The following ARHGEF10 variants were observed in gnomAD, a reference collection of about 807,000 sequenced individuals.
ARHGEF10 encodes the protein Rho guanine nucleotide exchange factor (GEF) 10.
ARHGEF10 carries 140 observed loss-of-function variants against 147.4 expected under a neutral mutation model. That is an observed-to-expected ratio of 0.95 (90% CI 0.83 to 1.09). The LOEUF (loss-of-function observed/expected upper bound fraction) is 1.09. Ranked by LOEUF, ARHGEF10 falls within the 50% of genes least tolerant of loss-of-function variation. ARHGEF10 has a pLI of 0.00. For missense variants in ARHGEF10, 2,222 were observed against 1,752.7 expected, an observed-to-expected ratio of 1.27 and a Z score of -4.78; for synonymous variants, 902 against 695.8, an observed-to-expected ratio of 1.30 and a Z score of -4.67.
At chr8:1,881,078 A>G (rs6558559) in intron 9 of ARHGEF10, among the ~76,000 whole-genome samples, 64,666 of 151,878 alleles carry the variant, frequency 0.43, 14,197 homozygotes, top group South Asian at 0.59. Context: ...TGTGAGCTAC[A>G]TTTGGAGGTT....
chr8:1,905,820 G>T (rs1240331170), intron 17 of ARHGEF10, 104 bp downstream of exon 17: 5 of 1,460,206 alleles, frequency 3.4e-6, no homozygotes, highest in Middle Eastern at 1.8e-4. Context: ...GACTGAACTG[G>T]TTTTTTGTGC....
intron 27 of ARHGEF10, among the ~76,000 whole-genome samples, chr8:1,946,758 C>G (rs1015879246): frequency 1.3e-5 from 2 of 152,162 alleles, no homozygotes; most frequent in African/African-American, 4.8e-5. Flanking sequence ...GGTTCTAGAA[C>G]GGGTGTGAGG....
chr8:1,925,234 A>C (rs774573007), intron 21 of ARHGEF10, 49 bp from the exon 22 acceptor site: 16 of 1,613,378 alleles, frequency 9.9e-6, no homozygotes, highest in African/African-American at 1.3e-5. Context: ...AGGTCTTTGC[A>C]TGTGAGTTAA....
In ARHGEF10 at chr8:1,864,422, G is replaced by A. The variant is rs758478881; in HGVS notation, c.531G>A (p.Glu177=). The A allele has an allele frequency of 5.6e-6, 9 of 1,613,966 alleles. No homozygotes were observed. The Admixed American group carries it at 1.0e-4, about 18-fold the overall frequency. Residue 177 remains glutamate (E), a synonymous_variant, in exon 5 of 29, where the codon GAG becomes GAA. Coordinates refer to ENST00000349830, the MANE Select transcript of ARHGEF10 (RefSeq NM_014629.4). ...GCCAGCCCAATTCTCTGAGTTCCGA[G>A]GAGCCTCCAACCAGGTATCTGCATC... is the stretch of plus-strand genomic sequence containing the variant. ...EDRQPNSLSS[E]EPPTSEDQVG... is the part of the protein sequence containing the mutation.
Position 1,956,293 on chromosome 8 carries a change from G to A in ARHGEF10, c.3521-456G>A, listed in dbSNP as rs1815559396. ...GTTAAATTGTTCTGAACCCCAGAAC[G>A]TTTTTGTAATGAAAAATGGCAGGCA... On this transcript the variant is annotated intron_variant, in intron 28 of 28. Transcript: ENST00000349830. Among the ~76,000 whole-genome samples the A allele has an allele frequency of 2.0e-5, 3 of 152,140 alleles. No homozygotes were observed. In the South Asian group the frequency reaches 6.2e-4, roughly 31 times the overall value.
At chr8:1,883,280 C>G (rs886947737) in intron 10 of ARHGEF10, among the ~76,000 whole-genome samples, 1 of 152,042 alleles carries the variant, frequency 6.6e-6, no homozygotes, top group African/African-American at 2.4e-5. Context: ...CGGCAACAAG[C>G]AGCAGGCTGG....
chr8:1,855,960 G>C (rs1305751330), intron 2 of ARHGEF10, among the ~76,000 whole-genome samples: 1 of 151,286 alleles, frequency 6.6e-6, no homozygotes, highest in Non-Finnish European at 1.5e-5. Context: ...GTTTACGGTC[G>C]CTTGGGAGAC....
At chr8:1,853,438 G>A (rs577737076) in intron 2 of ARHGEF10, among the ~76,000 whole-genome samples, 9 of 152,322 alleles carry the variant, frequency 5.9e-5, no homozygotes, top group Admixed American at 2.6e-4. Flanking sequence ...ACTACAACAC[G>A]TTGTATCTCC....
rs1456101964 is a variant in ARHGEF10, at chr8:1,952,748, A to G, written c.3441A>G (p.Gly1147=). 2 of 1,613,244 alleles carry G rather than the reference A, an allele frequency of 1.2e-6. No homozygotes were observed. Among genetic ancestry groups the G allele is most frequent in the East Asian group, 4.5e-5 (2 of 44,886 alleles). ...TGACGAGCCTGCTCGTCTGCCACGG[A>G]TTGCTGATGGTCGGCACCAGCCTGG... The part of the protein sequence containing the change: ...LSVTSLLVCH[G]LLMVGTSLGV... Residue 1147 remains glycine (G), a synonymous_variant, in exon 28 of 29, where the codon GGA becomes GGG. Coordinates refer to ENST00000349830, the MANE Select transcript of ARHGEF10 (RefSeq NM_014629.4).
chr8:1,831,547 C>CGTGGAGGGACAGTGTGACATTT (rs1803110005), intron 1 of ARHGEF10, among the ~76,000 whole-genome samples: 2 of 137,346 alleles, frequency 1.5e-5, no homozygotes, highest in African/African-American at 5.5e-5. Flanking sequence ...GTGTGACGGC[C>CGTGGAGGGACAGTGTGACATTT]GTGGAGGGAC....
At chr8:1,935,237 G>A (rs974730051) in intron 26 of ARHGEF10, among the ~76,000 whole-genome samples, 4 of 151,862 alleles carry the variant, frequency 2.6e-5, no homozygotes, top group African/African-American at 7.3e-5. Context: ...CATCAGCCCC[G>A]TCCTGGAGTG....
At chr8:1,879,970 C>T (rs748366535) in intron 8 of ARHGEF10, 78 bp from the exon 9 acceptor site, 172 of 1,011,964 alleles carry the variant, frequency 1.7e-4, no homozygotes, top group Non-Finnish European at 2.5e-4. Context: ...ACGCTGCCAG[C>T]ATCCTCTCAA....
At chr8:1,844,212 T>TG (rs1804328885) in intron 2 of ARHGEF10, among the ~76,000 whole-genome samples, 1 of 152,104 alleles carries the variant, frequency 6.6e-6, no homozygotes, top group Admixed American at 6.6e-5. Flanking sequence ...GGTGTGGGTC[T>TG]TGGGAGATGC....
chr8:1,909,509 A>G (rs775534797), intron 18 of ARHGEF10, 39 bp downstream of exon 18: 3 of 1,611,270 alleles, frequency 1.9e-6, no homozygotes, highest in Non-Finnish European at 8.5e-7. Context: ...CCGTGGGGCC[A>G]GGGTAACTCT....
intron 18 of ARHGEF10, among the ~76,000 whole-genome samples, chr8:1,910,316 A>G (rs1030953440): frequency 2.0e-5 from 3 of 152,218 alleles, no homozygotes; most frequent in African/African-American, 7.2e-5. Flanking sequence ...TTGCATATTC[A>G]CCTGGATTTG....
At chr8:1,874,837 C>T (rs575333816) in intron 7 of ARHGEF10, among the ~76,000 whole-genome samples, 119 of 73,238 alleles carry the variant, frequency 1.6e-3, no homozygotes, top group African/African-American at 6.4e-3. Flanking sequence ...ACACACACCA[C>T]GGCGTGTAGG....
intron 16 of ARHGEF10, 23 bp downstream of exon 16, chr8:1,903,474 T>G (rs752813311): frequency 5.0e-6 from 8 of 1,613,208 alleles, no homozygotes; most frequent in Non-Finnish European, 6.8e-6. Context: ...TTTCTTCAAC[T>G]CTATTCCAAA....
Position 1,923,061 on chromosome 8 carries a change from C to A in ARHGEF10, c.2241C>A (p.Asn747Lys). The change falls in exon 19 of 29, where the codon AAC (asparagine) becomes AAA (lysine). Residue 747 changes from asparagine (N) to lysine (K), a missense_variant. Physicochemically the swap from Asn to Lys is moderately conservative, Grantham distance 94 (BLOSUM62 0). Coordinates refer to ENST00000349830, the MANE Select transcript of ARHGEF10 (RefSeq NM_014629.4). ...VIGQITQLIG[N>K]LKGNYQNLNQ... The stretch of plus-strand genomic sequence containing the variant: ...GCCAAATCACTCAGCTGATAGGAAA[C>A]CTTAAAGGAAACTATCAGGTAACAA... The A allele has an allele frequency of 6.2e-7, 1 of 1,610,258 alleles. No individual in the cohort carries two copies. The highest frequency in any genetic ancestry group is 8.5e-7 in the Non-Finnish European group (1 of 1,177,344).
In ARHGEF10 at chr8:1,925,299, G is replaced by C. The variant is rs746522073; in HGVS notation, c.2505G>C (p.Met835Ile). 3 of 1,614,030 alleles carry C rather than the reference G, an allele frequency of 1.9e-6. No homozygotes were observed. In the African/African-American group the frequency reaches 4.0e-5, roughly 22 times the overall value. ...AKLALEEENH[M>I]GWFCVEDDGN... ...TAATTGCAGAAGAGGAGAACCACAT[G>C]GGCTGGTTCTGTGTGGAAGACGATG... The change falls in exon 22 of 29, where the codon ATG (methionine) becomes ATC (isoleucine). Residue 835 changes from methionine to isoleucine, a missense_variant. Coordinates refer to ENST00000349830, the MANE Select transcript of ARHGEF10 (RefSeq NM_014629.4).
Sources: allele counts gnomAD v4.1 joint callset (sites outside exome capture counted in the v4.1 genomes callset), GRCh38; gene constraint gnomAD v4.1.1; transcripts MANE v1.5; gene names NCBI Gene and HGNC (gene_info 2026-07-23, HGNC 2026-07-21).